Variants in APPL1 observed in about 807,000 individuals in gnomAD.
APPL1 encodes the protein adaptor protein, phosphotyrosine interacting with PH domain and leucine zipper 1.
APPL1 carries 42 observed loss-of-function variants against 106.8 expected under a neutral mutation model. The observed-to-expected ratio is 0.39, with a 90% CI of 0.31 to 0.51. APPL1 has a LOEUF of 0.51. APPL1 is among the 20% of genes least tolerant of loss of function. The pLI is 0.75. For synonymous variants in APPL1, 263 were observed against 281.8 expected, an observed-to-expected ratio of 0.93 and a Z score of 0.67; for missense variants, 769 against 858.2, an observed-to-expected ratio of 0.90 and a Z score of 1.30.
In APPL1 at chr3:57,247,484, AT is replaced by A; in HGVS notation, c.704+14del. Reference sequence around the variant, plus strand: ...TTGGAACAAGCGTTCAGAAGTAAGTATTTTTTTCCTTAAAATTGAAAATGAA... The same window carrying A: ...TTGGAACAAGCGTTCAGAAGTAAGTATTTTTTCCTTAAAATTGAAAATGAA... On this transcript the variant is annotated splice_region_variant and intron_variant, in intron 9 of 21. Transcript: ENST00000288266. 4 of 1,546,718 alleles carry A rather than the reference AT, an allele frequency of 2.6e-6. No individual in the cohort carries two copies. Among genetic ancestry groups the A allele is most frequent in the Non-Finnish European group, 3.6e-6 (4 of 1,123,182 alleles).
intron 19 of APPL1, among the ~76,000 whole-genome samples, chr3:57,264,970 T>C (rs930120219): frequency 6.6e-6 from 1 of 152,184 alleles, no homozygotes; most frequent in Non-Finnish European, 1.5e-5. Flanking sequence ...GATTGTTTTT[T>C]CTATTTCTGT....
At chr3:57,261,123 C>T (rs2107609158) in intron 19 of APPL1, among the ~76,000 whole-genome samples, 1 of 152,276 alleles carries the variant, frequency 6.6e-6, no homozygotes. Context: ...ATCACTCAGC[C>T]TTCCCAGTCT....
intron 5 of APPL1, among the ~76,000 whole-genome samples, chr3:57,241,001 A>T (rs944547397): frequency 2.0e-5 from 3 of 152,208 alleles, no homozygotes; most frequent in Non-Finnish European, 4.4e-5. Flanking sequence ...TGACAGTAGC[A>T]AGAAACTCAG....
chr3:57,246,038 G>GCT, intron 7 of APPL1, 38 bp from the exon 8 acceptor site: 5 of 1,438,710 alleles, frequency 3.5e-6, no homozygotes, highest in Non-Finnish European at 3.7e-6. Flanking sequence ...AATAATAGCA[G>GCT]ATTATTTACT....
chr3:57,236,776 C>T (rs1364126471), intron 2 of APPL1, among the ~76,000 whole-genome samples: 1 of 152,160 alleles, frequency 6.6e-6, no homozygotes, highest in Non-Finnish European at 1.5e-5. Context: ...AAATTTGAAG[C>T]TATGTTTGGA....
chr3:57,237,347 G>T, intron 2 of APPL1, 145 bp from the exon 3 acceptor site: 1 of 602,226 alleles, frequency 1.7e-6, no homozygotes. Context: ...TTTAATGGTA[G>T]TACCCCTTTC....
At position 57,260,677 on chromosome 3, in the gene APPL1, G is replaced by A. The variant is rs778843447; in HGVS notation, c.1745G>A (p.Arg582His). ...VLYATHQENK[R>H]LFGFVLRTSS... The stretch of plus-strand genomic sequence containing the variant: ...TATGCTACACACCAGGAAAATAAGC[G>A]CCTTTTTGGATTTGTTCTTCGGACA... Residue 582 changes from arginine to histidine, a missense_variant, in exon 19 of 22, where the codon CGC becomes CAC. By Grantham distance (29) the Arg-to-His change is conservative. Coordinates refer to ENST00000288266, the MANE Select transcript of APPL1 (RefSeq NM_012096.3). 30 of 1,612,692 alleles carry A rather than the reference G, an allele frequency of 1.9e-5. No individual in the cohort carries two copies. The highest frequency in any genetic ancestry group is 1.6e-4 in the Middle Eastern group (1 of 6,074).
At chr3:57,246,283 TTTACA>T in intron 8 of APPL1, 61 bp downstream of exon 8, 1 of 1,276,152 alleles carries the variant, frequency 7.8e-7, no homozygotes, top group Non-Finnish European at 1.0e-6. Context: ...AAGCTTGATA[TTTACA>T]TTAAGTATAA....
At chr3:57,234,544 C>G (rs574172498) in intron 1 of APPL1, among the ~76,000 whole-genome samples, 1 of 151,270 alleles carries the variant, frequency 6.6e-6, no homozygotes, top group South Asian at 2.1e-4. Context: ...GTGATCCACC[C>G]GCCTCGGCCT....
At chr3:57,267,717 T>A in intron 19 of APPL1, 25 bp from the exon 20 acceptor site, 1 of 1,611,892 alleles carries the variant, frequency 6.2e-7, no homozygotes, top group Non-Finnish European at 8.5e-7. Flanking sequence ...ACTGCCTGAA[T>A]TTTTCATACT....
intron 11 of APPL1, 85 bp from the exon 12 acceptor site, chr3:57,252,183 TA>T: frequency 8.9e-7 from 1 of 1,118,410 alleles, no homozygotes; most frequent in South Asian, 1.4e-5. Flanking sequence ...TATATGCCTT[TA>T]ACTTTAAAGA....
At chr3:57,268,286 A>G in intron 20 of APPL1, 112 bp from the exon 21 acceptor site, 1 of 1,096,864 alleles carries the variant, frequency 9.1e-7, no homozygotes, top group Non-Finnish European at 1.3e-6. Context: ...GTGCTTTCTT[A>G]TGTATAAATG....
intron 19 of APPL1, among the ~76,000 whole-genome samples, chr3:57,262,824 G>A (rs1378610455): frequency 7.1e-6 from 1 of 141,140 alleles, no homozygotes; most frequent in Non-Finnish European, 1.5e-5. Context: ...GTGTGTGTGT[G>A]TGTGTGTGTG....
chr3:57,267,848 T>C (rs2060904139), intron 20 of APPL1, 56 bp downstream of exon 20: 2 of 1,581,086 alleles, frequency 1.3e-6, no homozygotes, highest in Non-Finnish European at 1.7e-6. Context: ...TCGCAGCACA[T>C]TGGGAGGCCG....
intron 1 of APPL1, among the ~76,000 whole-genome samples, chr3:57,234,869 A>G (rs758591891): frequency 3.9e-5 from 6 of 151,958 alleles, no homozygotes; most frequent in Non-Finnish European, 2.9e-5. Context: ...GTTAACCAGG[A>G]TGGTCTCAAT....
intron 16 of APPL1, 27 bp downstream of exon 16, chr3:57,259,107 AT>A: frequency 6.4e-7 from 1 of 1,572,504 alleles, no homozygotes; most frequent in Non-Finnish European, 8.7e-7. Context: ...GCATTCATAT[AT>A]TTTAGAACTG....
intron 4 of APPL1, among the ~76,000 whole-genome samples, chr3:57,240,198 T>C (rs1256541819): frequency 6.6e-6 from 1 of 151,800 alleles, no homozygotes; most frequent in Non-Finnish European, 1.5e-5. Flanking sequence ...TTTGATGATG[T>C]CCATTATATA....
In APPL1 at chr3:57,269,713, C is replaced by G. The variant is rs777738318; in HGVS notation, c.*26C>G. On this transcript the variant is annotated 3_prime_UTR_variant, in exon 22 of 22. Coordinates refer to ENST00000288266, the MANE Select transcript of APPL1 (RefSeq NM_012096.3). Reference sequence around the variant, plus strand: ...GCTTATACTTTTGGTAGATATTCCCCCTTGGAATTTGACAGTTTCTATGGT... The same window carrying G: ...GCTTATACTTTTGGTAGATATTCCCGCTTGGAATTTGACAGTTTCTATGGT... The G allele has an allele frequency of 4.3e-6, 7 of 1,609,846 alleles. No individual in the cohort carries two copies. The highest frequency in any genetic ancestry group is 1.3e-5 in the African/African-American group (1 of 74,782).
rs561778075 is a variant in APPL1 at position 57,257,542 on chromosome 3, CTTTG to C, written c.1430+118_1430+121del. 4.1e-5 allele frequency: 38 copies of C among 931,358 alleles called. No homozygotes were observed. The South Asian group carries it at 1.1e-3, about 27-fold the overall frequency. 57.7% of individuals were successfully genotyped at this position (931,358 alleles called of 1,614,324 possible). A position where few individuals can be genotyped will look rare whatever the true frequency, so the allele number is the denominator to read the frequency against. On this transcript the variant is annotated intron_variant, in intron 15 of 21. Transcript: ENST00000288266. The stretch of plus-strand genomic sequence containing the variant: ...ATGTATATCAGCTATGTTGTACTTT[CTTTG>C]TTTAATTATGTAACATATTGTTAGG...
Sources: gnomAD v4.1 joint callset for allele counts (sites outside exome capture counted in the v4.1 genomes callset) on GRCh38, gnomAD v4.1.1 for gene constraint, MANE v1.5 for transcripts, NCBI Gene and HGNC (gene_info 2026-07-23, HGNC 2026-07-21) for gene names.